SERINC4: variants seen among roughly 807,000 people sequenced by gnomAD.
SERINC4 encodes serine incorporator 4.
A neutral mutation model predicts 52.0 loss-of-function variants in SERINC4; 52 were observed. That is an observed-to-expected ratio of 1.00 (90% CI 0.80 to 1.26). The LOEUF (loss-of-function observed/expected upper bound fraction) is 1.26, where lower values mean the gene tolerates loss of function less well. Among genes scored for constraint, SERINC4 ranks in the 50% most tolerant of loss-of-function variants. The pLI is 0.00. For missense variants in SERINC4, 723 were observed against 632.8 expected, an observed-to-expected ratio of 1.14 and a Z score of -1.53; for synonymous variants, 264 against 247.7, an observed-to-expected ratio of 1.07 and a Z score of -0.62.
chr15:43,796,321 A>G (rs2087215237), intron 8 of SERINC4, 94 bp from the exon 9 acceptor site: 2 of 948,390 alleles, frequency 2.1e-6, no homozygotes, highest in Admixed American at 3.9e-5. Flanking sequence ...AATCCTCAAA[A>G]GGGTACCATA....
intron 8 of SERINC4, 95 bp downstream of exon 8, chr15:43,796,521 A>G (rs534845001): frequency 2.5e-5 from 35 of 1,389,670 alleles, no homozygotes; most frequent in Middle Eastern, 2.4e-4. Flanking sequence ...GTCTTGCTCT[A>G]AACTTTAAAT....
In SERINC4 at chr15:43,794,816, G is replaced by A. The variant is rs971500728; in HGVS notation, c.*184C>T. 5 of 577,656 alleles carry A rather than the reference G, an allele frequency of 8.7e-6. No individual in the cohort carries two copies. The highest frequency in any genetic ancestry group is 1.9e-5 in the African/African-American group (1 of 53,802). The allele number at this position is 577,656 out of a possible 1,614,324, so 35.8% of individuals were successfully genotyped here. On this transcript the variant is annotated 3_prime_UTR_variant, in exon 12 of 12. Transcript: ENST00000319327. ...GCAGATGTAACAGTAGCTCCAGTGA[G>A]TCAGACACTCTGCCCAGCACATTAG...
chr15:43,795,126 T>C lies in SERINC4; in HGVS notation c.1431A>G (p.Val477=), dbSNP rs113812701. Reference sequence around the variant, plus strand: ...CCAGTAACAGCCCCAGATAGAGGAGTACGCAGGCCCAGCATGAGGCAACCT... The same window carrying C: ...CCAGTAACAGCCCCAGATAGAGGAGCACGCAGGCCCAGCATGAGGCAACCT... The part of the protein sequence containing the change: ...WVKVASCWAC[V]LLYLGLLLAP... Residue 477 remains valine, a synonymous_variant, in exon 12 of 12, where the codon GTA becomes GTG. Transcript: ENST00000319327. 1.3e-5 allele frequency: 21 copies of C among 1,613,240 alleles called. No individual in the cohort carries two copies. The African/African-American group carries it at 1.3e-4, about 10-fold the overall frequency.
At position 43,797,140 on chromosome 15, in the gene SERINC4, C is replaced by G; in HGVS notation, c.844+5G>C. On this transcript the variant is annotated splice_donor_5th_base_variant and intron_variant, in intron 6 of 11. Coordinates refer to ENST00000319327, the MANE Select transcript of SERINC4 (RefSeq NM_001258031.2). Reference sequence around the variant, plus strand: ...AACCTGGAATGCTGTAGGACATGTACCCACTGAGGCGGATGCAAGGAGCGA... The same window carrying G: ...AACCTGGAATGCTGTAGGACATGTAGCCACTGAGGCGGATGCAAGGAGCGA... The G allele has an allele frequency of 6.4e-7, 1 of 1,550,594 alleles. No individual in the cohort carries two copies.
At position 43,794,837 on chromosome 15, in the gene SERINC4, ATTAGACTGTGTTTGACCAC is replaced by A; in HGVS notation, c.*144_*162del. 3 of 623,200 alleles carry A rather than the reference ATTAGACTGTGTTTGACCAC, an allele frequency of 4.8e-6. No homozygotes were observed. The South Asian group carries it at 5.9e-5, about 12-fold the overall frequency. The allele number at this position is 623,200 out of a possible 1,614,324, so 38.6% of individuals were successfully genotyped here. A position where few individuals can be genotyped will look rare whatever the true frequency, so the allele number is the denominator to read the frequency against. On this transcript the variant is annotated 3_prime_UTR_variant, in exon 12 of 12. Transcript: ENST00000319327. ...GTGAGTCAGACACTCTGCCCAGCAC[ATTAGACTGTGTTTGACCAC>A]TTCTTCCAGTTCATAGTATTGACTT... is the stretch of plus-strand genomic sequence containing the variant.
chr15:43,795,290 T>C (rs1208333364), intron 11 of SERINC4, 77 bp from the exon 12 acceptor site: 40 of 1,585,886 alleles, frequency 2.5e-5, no homozygotes, highest in Non-Finnish European at 3.0e-5. Context: ...TCACCAAATA[T>C]AATGGCAGAC....
chr15:43,799,782 G>A (rs1179456335), intron 1 of SERINC4, 103 bp downstream of exon 1: 10 of 976,954 alleles, frequency 1.0e-5, no homozygotes, highest in East Asian at 5.2e-5. Context: ...CTGGGGCAAC[G>A]AACCAGAACG....
intron 4 of SERINC4, 85 bp downstream of exon 4, chr15:43,798,340 C>T (rs530612601): frequency 1.7e-5 from 18 of 1,047,112 alleles, no homozygotes; most frequent in African/African-American, 1.7e-4. Flanking sequence ...TGAGCCACTG[C>T]ACCCGGCCAT....
chr15:43,797,002 A>G (rs1476721079), intron 6 of SERINC4, 62 bp from the exon 7 acceptor site: 1 of 1,499,270 alleles, frequency 6.7e-7, no homozygotes, highest in African/African-American at 1.4e-5. Flanking sequence ...TTCTACCCCC[A>G]CTTGTACTTC....
At position 43,795,418 on chromosome 15, in the gene SERINC4, TAG is replaced by T; in HGVS notation, c.1311_1312del (p.Tyr438CysfsTer12). Reference sequence around the variant, plus strand: ...CCAGTTGGTAAGGGTAACCATGACATAGAGTGAGGCAAGGAAGAAGACGAAGT... The same window carrying T: ...CCAGTTGGTAAGGGTAACCATGACATAGTGAGGCAAGGAAGAAGACGAAGT... On this transcript the variant is annotated frameshift_variant, in exon 11 of 12. Transcript: ENST00000319327. LOFTEE classifies it high-confidence loss of function. The T allele has an allele frequency of 1.2e-6, 2 of 1,614,068 alleles. No individual in the cohort carries two copies. The highest frequency in any genetic ancestry group is 1.3e-5 in the African/African-American group (1 of 75,002).
chr15:43,800,052 G>C lies in SERINC4; in HGVS notation c.-66C>G. The C allele has an allele frequency of 1.6e-6, 2 of 1,240,410 alleles. No individual in the cohort carries two copies. The highest frequency in any genetic ancestry group is 2.2e-6 in the Non-Finnish European group (2 of 912,532). 76.8% of individuals were successfully genotyped at this position (1,240,410 alleles called of 1,614,324 possible). A position where few individuals can be genotyped will look rare whatever the true frequency, so the allele number is the denominator to read the frequency against. On this transcript the variant is annotated 5_prime_UTR_variant, in exon 1 of 12. Coordinates refer to ENST00000319327, the MANE Select transcript of SERINC4 (RefSeq NM_001258031.2). ...GCAGATGAGAGCAGCAGTTGCTTCTGTCCTCAGCCCATTGGACTGCCACTG... is the reference window on the plus strand; with the variant it reads ...GCAGATGAGAGCAGCAGTTGCTTCTCTCCTCAGCCCATTGGACTGCCACTG...
rs1401712805 is a variant in SERINC4, at chr15:43,795,052, C to T, written c.1505G>A (p.Arg502Lys). The change falls in exon 12 of 12, where the codon AGG (arginine) becomes AAG (lysine). Residue 502 changes from arginine (R) to lysine (K), a missense_variant. Arg to Lys is a conservative substitution (Grantham distance 26). Transcript: ENST00000319327. ...GGATATGATGCGGTGGCGGCGGCGC[C>T]TCAAGATAAGGGGCTGGGGTTTCTG... ...PTQKPQPLILRRRRHRIISPD... is the reference protein window; with the variant it reads ...PTQKPQPLILKRRRHRIISPD... 1 of 1,612,958 alleles carries T rather than the reference C, an allele frequency of 6.2e-7. No homozygotes were observed. Among genetic ancestry groups the T allele is most frequent in the African/African-American group, 1.3e-5 (1 of 74,936 alleles).
At position 43,794,917 on chromosome 15, in the gene SERINC4, A is replaced by G; in HGVS notation, c.*83T>C. Reference sequence around the variant, plus strand: ...GGAGATAACTCCCTGTGTGTCCTTGAGGTATTGAGCTGGGCTGGACAGCTC... The same window carrying G: ...GGAGATAACTCCCTGTGTGTCCTTGGGGTATTGAGCTGGGCTGGACAGCTC... On this transcript the variant is annotated 3_prime_UTR_variant, in exon 12 of 12. Transcript: ENST00000319327. The G allele has an allele frequency of 9.8e-7, 1 of 1,016,758 alleles. No homozygotes were observed. Among genetic ancestry groups the G allele is most frequent in the Non-Finnish European group, 1.5e-6 (1 of 684,116 alleles). 63.0% of individuals were successfully genotyped at this position (1,016,758 alleles called of 1,614,324 possible).
intron 8 of SERINC4, 184 bp downstream of exon 8, chr15:43,796,432 C>G: frequency 5.4e-6 from 4 of 740,364 alleles, no homozygotes; most frequent in Non-Finnish European, 9.0e-6. Context: ...CCCCCCACCC[C>G]CTTCATCTCA....
intron 5 of SERINC4, chr15:43,797,610 C>A: frequency 1.9e-6 from 1 of 514,976 alleles, no homozygotes. Context: ...CCAGGCTGGT[C>A]TCAAACTCCT....
intron 4 of SERINC4, 176 bp downstream of exon 4, chr15:43,798,249 C>T (rs1381472908): frequency 4.7e-6 from 3 of 636,984 alleles, no homozygotes; most frequent in African/African-American, 1.8e-5. Flanking sequence ...TGGGGTTTCA[C>T]CATGTTAGCC....
At chr15:43,798,109 G>A in intron 4 of SERINC4, 96 bp from the exon 5 acceptor site, 2 of 871,596 alleles carry the variant, frequency 2.3e-6, no homozygotes, top group Non-Finnish European at 3.6e-6. Flanking sequence ...GAGTGCAGTG[G>A]TGTGATTTCA....
Position 43,798,473 on chromosome 15 carries a change from C to G in SERINC4, c.490G>C (p.Gly164Arg). 1.2e-6 allele frequency: 2 copies of G among 1,613,882 alleles called. No individual in the cohort carries two copies. The highest frequency in any genetic ancestry group is 1.1e-5 in the South Asian group (1 of 91,070). ...ATGCAGAAGGCAATAGCACAGAGAC[C>G]TAACAGGAACAGCAGCTTGAGGAGC... ...FWLLKLLFLL[G>R]LCAIAFCIPD... The change falls in exon 4 of 12, where the codon GGT (glycine) becomes CGT (arginine). Residue 164 changes from glycine to arginine, a missense_variant. By Grantham distance (125) the Gly-to-Arg change is moderately radical (BLOSUM62 -2). Coordinates refer to ENST00000319327, the MANE Select transcript of SERINC4 (RefSeq NM_001258031.2).
At chr15:43,795,929 CA>C (rs1457077751) in intron 9 of SERINC4, 193 bp from the exon 10 acceptor site, 4 of 655,622 alleles carry the variant, frequency 6.1e-6, no homozygotes, top group Non-Finnish European at 1.0e-5. Context: ...TCGATTTCTC[CA>C]TTTGTAAAAT....
Sources: gnomAD v4.1 joint callset for allele counts on GRCh38, gnomAD v4.1.1 for gene constraint, MANE v1.5 for transcripts, NCBI Gene and HGNC (gene_info 2026-07-23, HGNC 2026-07-21) for gene names.